Variants in LYST observed in about 807,000 individuals in gnomAD.
The protein encoded by LYST is lysosomal trafficking regulator.
LYST carries 192 observed loss-of-function variants against 413.6 expected under a neutral mutation model. That is an observed-to-expected ratio of 0.46 (90% CI 0.41 to 0.52). The LOEUF is 0.52. Among genes scored for constraint, LYST ranks in the 20% least tolerant of loss-of-function variants. The pLI is 0.00. For missense variants in LYST, 3,815 were observed against 4,499.9 expected (o/e 0.85, Z 4.35); for synonymous variants, 1,525 against 1,567.3 (o/e 0.97, Z 0.64).
intron 48 of LYST, among the ~76,000 whole-genome samples, chr1:235,685,318 C>T (rs143163582): frequency 1.2e-3 from 177 of 152,196 alleles, no homozygotes; most frequent in African/African-American, 4.0e-3. Flanking sequence ...TGGATCACTG[C>T]GGTGGCCTTC....
At chr1:235,720,173 CAAAAAAAAAAAAAAAA>C (rs71576484) in intron 40 of LYST, among the ~76,000 whole-genome samples, 1 of 9,476 alleles carries the variant, frequency 1.1e-4, no homozygotes, top group Non-Finnish European at 3.0e-4. Flanking sequence ...GACTCTGTCT[CAAAAAAAAAAAAAAAA>C]AAAAAAAAAA....
chr1:235,779,805 A>G (rs1669666228), intron 16 of LYST, among the ~76,000 whole-genome samples: 1 of 152,170 alleles, frequency 6.6e-6, no homozygotes, highest in Non-Finnish European at 1.5e-5. Context: ...CAACACCACA[A>G]ACAACAAAAT....
At chr1:235,724,996 G>A (rs1465336800) in intron 38 of LYST, among the ~76,000 whole-genome samples, 1 of 152,190 alleles carries the variant, frequency 6.6e-6, no homozygotes, top group Non-Finnish European at 1.5e-5. Flanking sequence ...ACAAATTGAC[G>A]TAGGTTCACA....
intron 14 of LYST, among the ~76,000 whole-genome samples, chr1:235,783,406 T>G (rs748050010): frequency 6.6e-6 from 1 of 152,170 alleles, no homozygotes; most frequent in Non-Finnish European, 1.5e-5. Context: ...TTTAAATTTT[T>G]TATTTTAAAA....
chr1:235,835,102 G>GA (rs1553315520), intron 1 of LYST, among the ~76,000 whole-genome samples: 4 of 134,640 alleles, frequency 3.0e-5, no homozygotes, highest in African/African-American at 1.2e-4. Context: ...ATTTTTAATG[G>GA]GGGGGGGTTT....
chr1:235,672,748 C>T (rs762100882), intron 50 of LYST, among the ~76,000 whole-genome samples: 5 of 152,096 alleles, frequency 3.3e-5, no homozygotes, highest in South Asian at 2.1e-4. Context: ...AGTGTTTTCC[C>T]GTTACCCTAT....
At chr1:235,831,224 T>G (rs1011879818) in intron 2 of LYST, among the ~76,000 whole-genome samples, 3 of 152,182 alleles carry the variant, frequency 2.0e-5, no homozygotes, top group African/African-American at 7.2e-5. Flanking sequence ...TTCACCCGCT[T>G]CAGGGGGAAG....
chr1:235,797,522 G>A (rs77693204), intron 10 of LYST, among the ~76,000 whole-genome samples: 4,115 of 151,976 alleles, frequency 0.027, 163 homozygotes, highest in African/African-American at 0.094. Context: ...AATGGGGGAG[G>A]GACAGTCTCT....
At chr1:235,678,177 G>C (rs1263104795) in intron 48 of LYST, among the ~76,000 whole-genome samples, 1 of 152,002 alleles carries the variant, frequency 6.6e-6, no homozygotes, top group Non-Finnish European at 1.5e-5. Flanking sequence ...AAAAAATTCT[G>C]GGCATGGTGG....
At position 235,762,780 on chromosome 1, in the gene LYST, G is replaced by A; in HGVS notation, c.6193C>T (p.Leu2065Phe). 10 of 1,613,074 alleles carry A rather than the reference G, an allele frequency of 6.2e-6. No homozygotes were observed. The highest frequency in any genetic ancestry group is 8.5e-6 in the Non-Finnish European group (10 of 1,179,212). The change falls in exon 22 of 53, where the codon CTT becomes TTT. Residue 2065 changes from leucine (L) to phenylalanine (F), a missense_variant. This residue lies in a region of LYST where 530 missense variants were observed against 696.5 expected (regional missense o/e 0.76). Transcript: ENST00000389793. ...LRHSSSGGRS[L>F]MSPGFMVISP... ...ATTACCATAAATCCAGGGCTCATAA[G>A]GGACCTTCCTCCACTGCTGGAATGC...
chr1:235,872,020 G>A (rs1271203033), intron 1 of LYST, among the ~76,000 whole-genome samples: 1 of 152,208 alleles, frequency 6.6e-6, no homozygotes, highest in Non-Finnish European at 1.5e-5. Context: ...ATGGGGCCAA[G>A]CACAGTGGTT....
chr1:235,718,785 T>C (rs1326439361), intron 40 of LYST, among the ~76,000 whole-genome samples: 1 of 152,224 alleles, frequency 6.6e-6, no homozygotes, highest in African/African-American at 2.4e-5. Flanking sequence ...AATGCTGAAT[T>C]CTGTTCCTTT....
At position 235,806,727 on chromosome 1, in the gene LYST, T is replaced by G. The variant is rs976492552; in HGVS notation, c.2409A>C (p.Ile803=). The G allele has an allele frequency of 1.2e-6, 2 of 1,613,180 alleles. No homozygotes were observed. The highest frequency in any genetic ancestry group is 2.7e-5 in the African/African-American group (2 of 74,912). The stretch of plus-strand genomic sequence containing the variant: ...TACCATTTAAGCAATTTAATTCGAT[T>G]ATTTGACTTACTCCATTACAACTCA... The part of the protein sequence containing the change: ...LFLSCNGVSQ[I]IELNCLNGIR... The change falls in exon 6 of 53, where the codon ATA becomes ATC. Residue 803 remains isoleucine (I), a synonymous_variant. Transcript: ENST00000389793.
chr1:235,785,232 C>T (rs977747469), intron 14 of LYST, among the ~76,000 whole-genome samples: 2 of 152,100 alleles, frequency 1.3e-5, no homozygotes, highest in African/African-American at 4.8e-5. Flanking sequence ...CCTGATCCAC[C>T]CATCGTAAGT....
At chr1:235,824,193 G>A (rs1456059717) in intron 3 of LYST, among the ~76,000 whole-genome samples, 2 of 152,136 alleles carry the variant, frequency 1.3e-5, no homozygotes, top group Admixed American at 6.5e-5. Flanking sequence ...GTTCATAAAT[G>A]TACAACCCTC....
At chr1:235,694,232 C>A (rs1436257232) in intron 46 of LYST, among the ~76,000 whole-genome samples, 4 of 151,850 alleles carry the variant, frequency 2.6e-5, no homozygotes, top group African/African-American at 9.7e-5. Flanking sequence ...CCAGGCTGGT[C>A]TCGAACTCCT....
chr1:235,842,455 T>C (rs1677329048), intron 1 of LYST, among the ~76,000 whole-genome samples: 2 of 152,218 alleles, frequency 1.3e-5, no homozygotes, highest in Non-Finnish European at 1.5e-5. Flanking sequence ...ATGAAGCTAG[T>C]ATTTTTGGAC....
Position 235,730,589 on chromosome 1 carries a change from GTGTGTGTGTGTGTGTGTGTGTGTGTA to G in LYST, c.9044+232_9044+257del, listed in dbSNP as rs1454983551. On this transcript the variant is annotated intron_variant, in intron 36 of 52. Transcript: ENST00000389793. ...TATATGTGTGTGTGTGTGTGTGTGT[GTGTGTGTGTGTGTGTGTGTGTGTGTA>G]TATGTAAACTAACAAGGGCCAGAAC... Among the ~76,000 whole-genome samples the G allele has an allele frequency of 1.9e-3, 230 of 124,192 alleles. 2 individuals are homozygous for G. The highest frequency in any genetic ancestry group is 6.9e-3 in the African/African-American group (212 of 30,868). The allele number at this position is 124,192 out of a possible 152,430, so 81.5% of individuals were successfully genotyped here.
At chr1:235,694,146 A>G (rs1190489174) in intron 46 of LYST, among the ~76,000 whole-genome samples, 1 of 151,660 alleles carries the variant, frequency 6.6e-6, no homozygotes, top group Non-Finnish European at 1.5e-5. Flanking sequence ...AGCAGCTGGG[A>G]CTACAGGCGC....
Sources: allele counts gnomAD v4.1 joint callset (sites outside exome capture counted in the v4.1 genomes callset), GRCh38; gene constraint gnomAD v4.1.1; regional missense constraint gnomAD v4.1.1; transcripts MANE v1.5; gene names NCBI Gene and HGNC (gene_info 2026-07-23, HGNC 2026-07-21).